The following ILDR1 variants were observed in gnomAD, a reference collection of about 807,000 sequenced individuals.
The protein encoded by ILDR1 is immunoglobulin-like domain-containing receptor 1.
A neutral mutation model predicts 62.4 loss-of-function variants in ILDR1; 56 were observed. That is an observed-to-expected ratio of 0.90 (90% CI 0.72 to 1.12). ILDR1 has a LOEUF of 1.12. Among genes scored for constraint, ILDR1 ranks in the 50% most tolerant of loss-of-function variants. The pLI is 0.00. For missense variants in ILDR1, 736 were observed against 710.6 expected (o/e 1.04, Z -0.41); for synonymous variants, 284 against 277.8 (o/e 1.02, Z -0.22).
At chr3:122,037,512 T>A in the ILDR1 span, among the ~76,000 whole-genome samples, 1 of 152,350 alleles carries the variant, frequency 6.6e-6, no homozygotes, top group East Asian at 1.9e-4. Context: ...TTCGGCCAAT[T>A]TCTCCCATTT....
intron 1 of ILDR1, among the ~76,000 whole-genome samples, chr3:122,013,609 C>T (rs147022304): frequency 4.6e-5 from 7 of 151,892 alleles, no homozygotes; most frequent in Non-Finnish European, 8.8e-5. Context: ...CAAATATGAG[C>T]GGAATCAAGG....
the ILDR1 span, among the ~76,000 whole-genome samples, chr3:122,055,752 A>G: frequency 6.6e-6 from 1 of 152,228 alleles, no homozygotes; most frequent in African/African-American, 2.4e-5. Context: ...TTATTCAAAT[A>G]CTGAATGTTA....
chr3:122,012,011 G>C (rs925167728), intron 1 of ILDR1, among the ~76,000 whole-genome samples: 1 of 152,166 alleles, frequency 6.6e-6, no homozygotes, highest in Admixed American at 6.5e-5. Context: ...ATCTTCCAAA[G>C]TAGAAGTCAG....
chr3:122,041,017 T>C, the ILDR1 span, among the ~76,000 whole-genome samples: 1 of 152,190 alleles, frequency 6.6e-6, no homozygotes, highest in Non-Finnish European at 1.5e-5. Context: ...ATATTTAATT[T>C]TTAAAAAACT....
At chr3:122,036,261 TAAAG>T in the ILDR1 span, among the ~76,000 whole-genome samples, 1 of 152,176 alleles carries the variant, frequency 6.6e-6, no homozygotes, top group Non-Finnish European at 1.5e-5. Context: ...TATGCATGAA[TAAAG>T]AGATTATCTG....
At chr3:122,060,267 C>A in the ILDR1 span, among the ~76,000 whole-genome samples, 1 of 152,160 alleles carries the variant, frequency 6.6e-6, no homozygotes, top group Non-Finnish European at 1.5e-5. Context: ...AAATGTCAGT[C>A]CAGAGGCCCT....
In ILDR1 at chr3:121,988,155, C is replaced by T. The variant is rs753549007; in HGVS notation, c.*212G>A. On this transcript the variant is annotated 3_prime_UTR_variant, in exon 8 of 8. Transcript: ENST00000344209. ...CTTGAACTCCTAGTCTCAAGTGATTCTTAGCCTCCCAAAGTGCTGTGATTA... is the reference window on the plus strand; with the variant it reads ...CTTGAACTCCTAGTCTCAAGTGATTTTTAGCCTCCCAAAGTGCTGTGATTA... 73 of 645,628 alleles carry T rather than the reference C, an allele frequency of 1.1e-4. 1 individual carries two copies. In the Middle Eastern group the frequency reaches 4.6e-3, roughly 41 times the overall value. The allele number at this position is 645,628 out of a possible 1,614,324, so 40.0% of individuals were successfully genotyped here. A position where few individuals can be genotyped will look rare whatever the true frequency, so the allele number is the denominator to read the frequency against.
chr3:122,008,376 CTA>C (rs1182951938), intron 1 of ILDR1, among the ~76,000 whole-genome samples: 1 of 152,066 alleles, frequency 6.6e-6, no homozygotes, highest in Non-Finnish European at 1.5e-5. Flanking sequence ...TGGAACATTC[CTA>C]TGTTAGTTTG....
chr3:121,998,115 A>C (rs1382649504), intron 5 of ILDR1, among the ~76,000 whole-genome samples: 1 of 152,086 alleles, frequency 6.6e-6, no homozygotes, highest in Non-Finnish European at 1.5e-5. Flanking sequence ...ATCATCCTCC[A>C]CATTTTAATG....
At chr3:122,020,273 C>T (rs1436646358) in intron 1 of ILDR1, among the ~76,000 whole-genome samples, 31 of 152,210 alleles carry the variant, frequency 2.0e-4, no homozygotes, top group Non-Finnish European at 7.3e-5. Flanking sequence ...TTCACTTAAT[C>T]CTCACAAAAG....
the ILDR1 span, among the ~76,000 whole-genome samples, chr3:122,040,473 ATATCT>A: frequency 6.6e-6 from 1 of 151,890 alleles, no homozygotes; most frequent in Admixed American, 6.6e-5. Context: ...ATAAAAAATA[ATATCT>A]TAGAAAACTG....
Position 121,993,706 on chromosome 3 carries a change from G to T in ILDR1, c.1043C>A (p.Ser348Tyr), listed in dbSNP as rs2071392356. 6.2e-7 allele frequency: 1 copy of T among 1,614,176 alleles called. No individual in the cohort carries two copies. The highest frequency in any genetic ancestry group is 8.5e-7 in the Non-Finnish European group (1 of 1,180,008). ...TGGGGTGAGCCACTGCTGGTGCAGGGAGTCACTGGTCCTCCTTGAGGATGA... is the reference window on the plus strand; with the variant it reads ...TGGGGTGAGCCACTGCTGGTGCAGGTAGTCACTGGTCCTCCTTGAGGATGA... ...DLSSSRRTSD[S>Y]LHQQWLTPIP... The change falls in exon 7 of 8, where the codon TCC becomes TAC. Residue 348 changes from serine (S) to tyrosine (Y), a missense_variant. Coordinates refer to ENST00000344209, the MANE Select transcript of ILDR1 (RefSeq NM_001199799.2).
At chr3:122,057,905 C>T in the ILDR1 span, among the ~76,000 whole-genome samples, 1 of 152,236 alleles carries the variant, frequency 6.6e-6, no homozygotes, top group African/African-American at 2.4e-5. Context: ...GAGGACAGTG[C>T]AGTGGCTAAG....
the ILDR1 span, among the ~76,000 whole-genome samples, chr3:122,059,861 C>T: frequency 6.6e-6 from 1 of 152,102 alleles, no homozygotes; most frequent in Non-Finnish European, 1.5e-5. Flanking sequence ...GGGAAACACA[C>T]AGCGGAAAAG....
chr3:121,997,454 C>T (rs1240122264), intron 5 of ILDR1, among the ~76,000 whole-genome samples: 1 of 152,204 alleles, frequency 6.6e-6, no homozygotes, highest in African/African-American at 2.4e-5. Flanking sequence ...AACATGCATT[C>T]CCTCCTCTAT....
At chr3:122,007,333 T>C in intron 1 of ILDR1, 172 bp from the exon 2 acceptor site, 1 of 1,470,472 alleles carries the variant, frequency 6.8e-7, no homozygotes. Context: ...TGGGGTGGGG[T>C]GAGAACGCAC....
the ILDR1 span, among the ~76,000 whole-genome samples, chr3:122,051,831 G>C: frequency 0.033 from 5,061 of 152,138 alleles, 267 homozygotes; most frequent in African/African-American, 0.12. Flanking sequence ...AGATTCTGGG[G>C]ACCTCTCAAA....
the ILDR1 span, among the ~76,000 whole-genome samples, chr3:122,039,618 C>T: frequency 2.5e-4 from 38 of 151,848 alleles, no homozygotes; most frequent in Admixed American, 2.0e-4. Context: ...CAGACATACA[C>T]TGCAAGAAAT....
At chr3:122,017,215 AT>A (rs1353928637) in intron 1 of ILDR1, among the ~76,000 whole-genome samples, 4 of 152,012 alleles carry the variant, frequency 2.6e-5, no homozygotes, top group African/African-American at 9.7e-5. Flanking sequence ...CGCTGGGCTA[AT>A]TTTTGTATTT....
Sources: gnomAD v4.1 joint callset for allele counts (sites outside exome capture counted in the v4.1 genomes callset) on GRCh38, gnomAD v4.1.1 for gene constraint, MANE v1.5 for transcripts, NCBI Gene and HGNC (gene_info 2026-07-23, HGNC 2026-07-21) for gene names.